Variants in CHD6 observed in about 807,000 individuals in gnomAD.
CHD6 encodes the protein chromodomain helicase DNA binding protein 6.
CHD6 carries 50 observed loss-of-function variants against 276.9 expected under a neutral mutation model. The observed-to-expected ratio is 0.18, with a 90% CI of 0.14 to 0.23. CHD6 has a LOEUF of 0.23. Among genes scored for constraint, CHD6 ranks in the 10% least tolerant of loss-of-function variants. CHD6 has a pLI of 1.00. For missense variants in CHD6, 2,564 were observed against 3,365.8 expected (o/e 0.76, Z 5.89); for synonymous variants, 1,173 against 1,229.3 (o/e 0.95, Z 0.96).
chr20:41,409,982 A>T (rs2046794947), intron 36 of CHD6, among the ~76,000 whole-genome samples: 1 of 152,108 alleles, frequency 6.6e-6, no homozygotes, highest in Non-Finnish European at 1.5e-5. Flanking sequence ...AGTGGGCATT[A>T]AAAATTGAAT....
chr20:41,511,418 C>CT (rs2044115701), intron 5 of CHD6, among the ~76,000 whole-genome samples: 1 of 152,136 alleles, frequency 6.6e-6, no homozygotes, highest in Middle Eastern at 3.2e-3. Context: ...GCACAGACCT[C>CT]TTTTTTTCAA....
At chr20:41,458,014 A>G (rs2048429295) in intron 17 of CHD6, among the ~76,000 whole-genome samples, 1 of 152,184 alleles carries the variant, frequency 6.6e-6, no homozygotes, top group South Asian at 2.1e-4. Flanking sequence ...TATTATTATC[A>G]TTGTCACACT....
At chr20:41,584,296 T>C (rs1272182021) in intron 1 of CHD6, among the ~76,000 whole-genome samples, 2 of 152,138 alleles carry the variant, frequency 1.3e-5, no homozygotes, top group Non-Finnish European at 2.9e-5. Flanking sequence ...TAACGATCCT[T>C]AATATGTATG....
In CHD6 at chr20:41,451,801, T is replaced by C. The variant is rs188619429; in HGVS notation, c.3523+25A>G. On this transcript the variant is annotated intron_variant, in intron 22 of 36. Transcript: ENST00000373233. ...TGAAGTGCATGGGAATCGTGCTTCT[T>C]AGGCATGGCCCTGCCACCTCTCACC... 5.6e-6 allele frequency: 9 copies of C among 1,609,172 alleles called. No individual in the cohort carries two copies. The African/African-American group carries it at 1.1e-4, about 19-fold the overall frequency.
At chr20:41,417,886 T>C (rs2047054210) in intron 31 of CHD6, among the ~76,000 whole-genome samples, 1 of 152,132 alleles carries the variant, frequency 6.6e-6, no homozygotes, top group Non-Finnish European at 1.5e-5. Flanking sequence ...TGGAAAGAAA[T>C]GGACATGTAA....
At chr20:41,411,789 G>A (rs1422054187) in intron 36 of CHD6, among the ~76,000 whole-genome samples, 1 of 152,178 alleles carries the variant, frequency 6.6e-6, no homozygotes, top group Non-Finnish European at 1.5e-5. Context: ...CCTAAATTAG[G>A]AAATGAAAAC....
In CHD6 at chr20:41,413,497, C is replaced by T. The variant is rs1029989255; in HGVS notation, c.6958G>A (p.Gly2320Arg). Residue 2320 changes from glycine to arginine, a missense_variant, in exon 35 of 37, where the codon GGG (glycine) becomes AGG (arginine). Around this residue, in one of 7 missense-constraint regions of CHD6, gnomAD observed 1,024 missense variants for 1,047.9 expected, o/e 0.98. Coordinates refer to ENST00000373233, the MANE Select transcript of CHD6 (RefSeq NM_032221.5). ...AGILEVHEDP[G>R]QATLSTTHPE... is the part of the protein sequence containing the mutation. ...TGTGTGGTGCTCAAGGTGGCCTGCCCTGGGTCTTCATGGACTTCCTGGATG... is the reference window on the plus strand; with the variant it reads ...TGTGTGGTGCTCAAGGTGGCCTGCCTTGGGTCTTCATGGACTTCCTGGATG... 4 of 1,580,014 alleles carry T rather than the reference C, an allele frequency of 2.5e-6. No individual in the cohort carries two copies. The highest frequency in any genetic ancestry group is 3.4e-6 in the Non-Finnish European group (4 of 1,163,130).
At chr20:41,456,056 A>G in intron 18 of CHD6, 77 bp from the exon 19 acceptor site, 1 of 1,356,648 alleles carries the variant, frequency 7.4e-7, no homozygotes, top group Admixed American at 2.5e-5. Flanking sequence ...GGTTTTTGTG[A>G]TTCAGTGCAT....
At chr20:41,535,588 G>A (rs1455144638) in intron 2 of CHD6, among the ~76,000 whole-genome samples, 1 of 152,178 alleles carries the variant, frequency 6.6e-6, no homozygotes, top group Non-Finnish European at 1.5e-5. Flanking sequence ...GCCAGGCATG[G>A]TGGTTCACAC....
At chr20:41,581,800 A>G (rs137886939) in intron 1 of CHD6, among the ~76,000 whole-genome samples, 218 of 152,340 alleles carry the variant, frequency 1.4e-3, no homozygotes, top group African/African-American at 4.9e-3. Flanking sequence ...GAAATATTTA[A>G]TGAGCATCTG....
intron 1 of CHD6, among the ~76,000 whole-genome samples, chr20:41,601,097 A>C (rs748165527): frequency 6.6e-6 from 1 of 151,910 alleles, no homozygotes; most frequent in Non-Finnish European, 1.5e-5. Context: ...TGCCTGACAA[A>C]CTCCTATTCA....
intron 1 of CHD6, among the ~76,000 whole-genome samples, chr20:41,582,143 A>G (rs1412758148): frequency 6.6e-6 from 1 of 152,232 alleles, no homozygotes; most frequent in Non-Finnish European, 1.5e-5. Context: ...ATTACTTAAA[A>G]AAAAAACCTA....
rs75792928 is a variant in CHD6 at position 41,421,404 on chromosome 20, T to C, written c.5231A>G (p.Asn1744Ser). The C allele has an allele frequency of 1.8e-5, 29 of 1,614,072 alleles. No individual in the cohort carries two copies. The highest frequency in any genetic ancestry group is 2.3e-5 in the Non-Finnish European group (27 of 1,180,004). The change falls in exon 31 of 37, where the codon AAC becomes AGC. Residue 1744 changes from asparagine to serine, a missense_variant. By Grantham distance (46) the Asn-to-Ser change is conservative. Around this residue, in one of 7 missense-constraint regions of CHD6, gnomAD observed 1,024 missense variants for 1,047.9 expected, o/e 0.98. Coordinates refer to ENST00000373233, the MANE Select transcript of CHD6 (RefSeq NM_032221.5). ...TGCCTCAGGGCCACCAGACTGGCAG[T>C]TCCCATCTTTGCTTATTGAGATGGT... ...VITISISKDG[N>S]CQSGGPEAEI...
intron 27 of CHD6, among the ~76,000 whole-genome samples, chr20:41,428,607 G>A (rs1420185646): frequency 2.0e-5 from 3 of 152,174 alleles, no homozygotes; most frequent in Non-Finnish European, 2.9e-5. Context: ...TCTGGTCTCG[G>A]GCAAGTTGTT....
At chr20:41,606,688 A>AAG (rs1450898065) in intron 1 of CHD6, among the ~76,000 whole-genome samples, 1 of 151,670 alleles carries the variant, frequency 6.6e-6, no homozygotes, top group African/African-American at 2.4e-5. Flanking sequence ...AAAAAAAAAA[A>AAG]ACTTATCTCC....
intron 36 of CHD6, among the ~76,000 whole-genome samples, chr20:41,407,233 G>A (rs1407378268): frequency 1.3e-5 from 2 of 152,162 alleles, no homozygotes; most frequent in Non-Finnish European, 2.9e-5. Flanking sequence ...AGTCTGCAGA[G>A]TGGGGGGTGG....
intron 3 of CHD6, among the ~76,000 whole-genome samples, chr20:41,521,120 A>G (rs1034392014): frequency 6.6e-6 from 1 of 152,228 alleles, no homozygotes; most frequent in Non-Finnish European, 1.5e-5. Flanking sequence ...AATCTGTTAA[A>G]GTTCTACATA....
intron 36 of CHD6, 115 bp downstream of exon 36, chr20:41,412,029 G>T: frequency 6.9e-7 from 1 of 1,455,924 alleles, no homozygotes; most frequent in Non-Finnish European, 9.3e-7. Context: ...TAGTCCTCTT[G>T]AAAGATGTCT....
rs572074980 is a variant in CHD6 at position 41,402,257 on chromosome 20, C to T, written c.*2336G>A. On this transcript the variant is annotated 3_prime_UTR_variant, in exon 37 of 37. Coordinates refer to ENST00000373233, the MANE Select transcript of CHD6 (RefSeq NM_032221.5). ...TAAATTTGGCTTTTGCTCTTGGAAA[C>T]GTCAAAATAATCATAAGAAGCACTT... The T allele has an allele frequency of 1.8e-5, 4 of 221,742 alleles. No homozygotes were observed. Among genetic ancestry groups the T allele is most frequent in the Admixed American group, 1.1e-4 (2 of 17,426 alleles). 13.7% of individuals were successfully genotyped at this position (221,742 alleles called of 1,614,324 possible).
Sources: allele counts gnomAD v4.1 joint callset (sites outside exome capture counted in the v4.1 genomes callset), GRCh38; gene constraint gnomAD v4.1.1; regional missense constraint gnomAD v4.1.1; transcripts MANE v1.5; gene names NCBI Gene and HGNC (gene_info 2026-07-23, HGNC 2026-07-21).